The following MACROD2 variants were observed in gnomAD, a reference collection of about 807,000 sequenced individuals.
The protein encoded by MACROD2 is mono-ADP ribosylhydrolase 2, also known as ADP-ribose glycohydrolase MACROD2.
A neutral mutation model predicts 70.4 loss-of-function variants in MACROD2; 36 were observed. The observed-to-expected ratio is 0.51, with a 90% CI of 0.39 to 0.68. The LOEUF is 0.68. Among genes scored for constraint, MACROD2 ranks in the 30% least tolerant of loss-of-function variants. The pLI, the probability that MACROD2 is intolerant of heterozygous loss-of-function variation, is 0.00. For missense variants in MACROD2, 496 were observed against 538.4 expected (o/e 0.92, Z 0.78); for synonymous variants, 172 against 178.8 (o/e 0.96, Z 0.30).
At chr20:15,226,842 A>G (rs1185956623) in intron 5 of MACROD2, among the ~76,000 whole-genome samples, 1 of 152,122 alleles carries the variant, frequency 6.6e-6, no homozygotes, top group African/African-American at 2.4e-5. Flanking sequence ...GGCAAGCACC[A>G]CTGAAAATGA....
At chr20:15,220,521 C>T (rs932051128) in intron 5 of MACROD2, among the ~76,000 whole-genome samples, 6 of 152,234 alleles carry the variant, frequency 3.9e-5, no homozygotes, top group African/African-American at 1.2e-4. Flanking sequence ...AGGGCATTCC[C>T]TGCTGCCTAA....
At chr20:14,586,594 TG>T (rs1981397188) in intron 4 of MACROD2, among the ~76,000 whole-genome samples, 1 of 152,096 alleles carries the variant, frequency 6.6e-6, no homozygotes, top group African/African-American at 2.4e-5. Flanking sequence ...TGAATAAAGA[TG>T]GTGATTTGAT....
At chr20:16,014,196 G>C (rs2066900391) in intron 15 of MACROD2, among the ~76,000 whole-genome samples, 1 of 152,208 alleles carries the variant, frequency 6.6e-6, no homozygotes. Flanking sequence ...TGAGCAACAT[G>C]CCTTGTCTTC....
At chr20:15,654,134 GA>G (rs1469735850) in intron 8 of MACROD2, among the ~76,000 whole-genome samples, 1 of 152,174 alleles carries the variant, frequency 6.6e-6, no homozygotes, top group African/African-American at 2.4e-5. Flanking sequence ...GGTTGTAAAG[GA>G]GAAAAGGCTA....
At chr20:15,304,739 A>AT (rs529131057) in intron 6 of MACROD2, among the ~76,000 whole-genome samples, 122 of 152,258 alleles carry the variant, frequency 8.0e-4, no homozygotes, top group African/African-American at 2.8e-3. Context: ...TATCTAAAAA[A>AT]AAAAGTTTAA....
At chr20:15,035,918 T>C (rs1194511882) in intron 5 of MACROD2, among the ~76,000 whole-genome samples, 1 of 151,980 alleles carries the variant, frequency 6.6e-6, no homozygotes, top group Non-Finnish European at 1.5e-5. Flanking sequence ...TTAGGAGATC[T>C]GGTGTCAGTG....
At chr20:14,815,472 A>G (rs2072762991) in intron 5 of MACROD2, among the ~76,000 whole-genome samples, 2 of 152,168 alleles carry the variant, frequency 1.3e-5, no homozygotes, top group Non-Finnish European at 2.9e-5. Flanking sequence ...AACTACATCT[A>G]TTCCCTGGAA....
chr20:15,584,900 T>C (rs191366028), intron 8 of MACROD2, among the ~76,000 whole-genome samples: 1 of 152,360 alleles, frequency 6.6e-6, no homozygotes, highest in Admixed American at 6.5e-5. Flanking sequence ...GACTATAACC[T>C]TCATAGTCCT....
intron 8 of MACROD2, among the ~76,000 whole-genome samples, chr20:15,598,039 C>A (rs1278909572): frequency 6.8e-6 from 1 of 148,026 alleles, no homozygotes; most frequent in Non-Finnish European, 1.5e-5. Flanking sequence ...AGATTGTGCC[C>A]ACTGCACTCC....
In MACROD2 at chr20:15,567,977, G is replaced by A. The variant is rs980619694; in HGVS notation, c.645+68130G>A. ...AAGAAAGACTGTACCAGCTAAATAC[G>A]TCTGTGGGTCATCAGTTTGTGAATT... On this transcript the variant is annotated intron_variant, in intron 8 of 17. Transcript: ENST00000684519. Among the ~76,000 whole-genome samples, 27 of 152,168 alleles carry A rather than the reference G, an allele frequency of 1.8e-4. 1 individual carries two copies. The highest frequency in any genetic ancestry group is 6.5e-5 in the Admixed American group (1 of 15,276).
At chr20:15,682,256 C>A (rs1463993480) in intron 8 of MACROD2, among the ~76,000 whole-genome samples, 1 of 152,098 alleles carries the variant, frequency 6.6e-6, no homozygotes, top group African/African-American at 2.4e-5. Context: ...TCAACCATTT[C>A]TTCTTGTTTT....
chr20:16,003,124 A>G (rs1420378637), intron 15 of MACROD2, among the ~76,000 whole-genome samples: 1 of 143,650 alleles, frequency 7.0e-6, no homozygotes, highest in Non-Finnish European at 1.5e-5. Context: ...ACACACACAA[A>G]CAATCTCTAC....
At chr20:14,006,247 C>T (rs2052818365) in intron 2 of MACROD2, among the ~76,000 whole-genome samples, 1 of 152,152 alleles carries the variant, frequency 6.6e-6, no homozygotes, top group Non-Finnish European at 1.5e-5. Flanking sequence ...ATGAAATCAC[C>T]TAACAACGCC....
chr20:16,037,588 A>C (rs972875423), intron 15 of MACROD2, among the ~76,000 whole-genome samples: 4 of 151,890 alleles, frequency 2.6e-5, no homozygotes, highest in African/African-American at 7.2e-5. Context: ...CCAGAGAGTT[A>C]AGATGAGTCA....
chr20:15,039,104 A>G (rs1025668897), intron 5 of MACROD2, among the ~76,000 whole-genome samples: 11 of 152,204 alleles, frequency 7.2e-5, no homozygotes, highest in Non-Finnish European at 1.6e-4. Flanking sequence ...GTGACCTGAG[A>G]GCTTTCAGAC....
chr20:14,603,667 A>G (rs940548294), intron 4 of MACROD2, among the ~76,000 whole-genome samples: 3 of 152,270 alleles, frequency 2.0e-5, no homozygotes, highest in Middle Eastern at 6.8e-3. Flanking sequence ...GACAGTACCT[A>G]TTATAGACAT....
At chr20:15,535,605 G>A (rs1344980449) in intron 8 of MACROD2, among the ~76,000 whole-genome samples, 1 of 152,194 alleles carries the variant, frequency 6.6e-6, no homozygotes. Context: ...TGCCTTGACT[G>A]TATCACGAAG....
intron 9 of MACROD2, among the ~76,000 whole-genome samples, chr20:15,878,434 T>A (rs2064706501): frequency 6.6e-6 from 1 of 152,098 alleles, no homozygotes; most frequent in Non-Finnish European, 1.5e-5. Context: ...AGATCTTGAG[T>A]GGGACCTGAG....
intron 3 of MACROD2, among the ~76,000 whole-genome samples, chr20:14,341,466 C>G (rs1036345841): frequency 1.3e-5 from 2 of 151,992 alleles, no homozygotes; most frequent in African/African-American, 4.8e-5. Flanking sequence ...GGTGAAACCC[C>G]GTTTCTAGTA....
Sources: gnomAD v4.1 joint callset for allele counts (sites outside exome capture counted in the v4.1 genomes callset) on GRCh38, gnomAD v4.1.1 for gene constraint, MANE v1.5 for transcripts, NCBI Gene and HGNC (gene_info 2026-07-23, HGNC 2026-07-21) for gene names.